Variants in CPXM2 observed in about 807,000 individuals in gnomAD.
The protein encoded by CPXM2 is carboxypeptidase X, M14 family member 2.
A neutral mutation model predicts 86.1 loss-of-function variants in CPXM2; 66 were observed. The ratio of observed to expected loss-of-function variants is 0.77; its 90% CI spans 0.63 to 0.94. The LOEUF (loss-of-function observed/expected upper bound fraction) is 0.94. Among genes scored for constraint, CPXM2 ranks in the 40% least tolerant of loss-of-function variants. The probability of loss-of-function intolerance (pLI) is 0.00; values close to 1 mark genes in which losing one functional copy is unlikely to be tolerated. For synonymous variants in CPXM2, 388 were observed against 400.2 expected, an observed-to-expected ratio of 0.97 and a Z score of 0.36; for missense variants, 948 against 1,026.3, an observed-to-expected ratio of 0.92 and a Z score of 1.04.
intron 2 of CPXM2, among the ~76,000 whole-genome samples, chr10:123,915,418 C>T (rs1300690023): frequency 6.6e-6 from 1 of 152,118 alleles, no homozygotes; most frequent in African/African-American, 2.4e-5. Context: ...ATTAACCAGG[C>T]GTGATGGCAG....
intron 3 of CPXM2, among the ~76,000 whole-genome samples, chr10:123,848,680 C>A (rs1264924913): frequency 2.0e-5 from 3 of 152,194 alleles, no homozygotes; most frequent in Non-Finnish European, 4.4e-5. Context: ...AAGTTTAATT[C>A]TTAAGCAATT....
chr10:123,927,253 G>C (rs117317670), intron 2 of CPXM2, among the ~76,000 whole-genome samples: 3 of 152,178 alleles, frequency 2.0e-5, no homozygotes, highest in Non-Finnish European at 4.4e-5. Context: ...TGCTCTGGCA[G>C]CCTCCTGTGT....
Position 123,891,153 on chromosome 10 carries a change from T to C in CPXM2, c.304+203A>G, listed in dbSNP as rs546163754. ...GGGCATAAGCCAGAGCTGAAATGCA[T>C]GTCAGGGTCAAGGACAAGTTCTGGG... is the stretch of plus-strand genomic sequence containing the variant. On this transcript the variant is annotated intron_variant, in intron 1 of 13. Coordinates refer to ENST00000241305, the MANE Select transcript of CPXM2 (RefSeq NM_198148.3). The surrounding 1 kb of genome is among the most constrained non-coding windows in gnomAD (Gnocchi z 5.6). Among the ~76,000 whole-genome samples the C allele has an allele frequency of 2.6e-5, 4 of 152,312 alleles. No individual in the cohort carries two copies. The highest frequency in any genetic ancestry group is 4.1e-4 in the South Asian group (2 of 4,826).
chr10:123,858,924 T>C (rs1848797577), intron 3 of CPXM2, among the ~76,000 whole-genome samples: 2 of 152,222 alleles, frequency 1.3e-5, no homozygotes, highest in Non-Finnish European at 2.9e-5. Flanking sequence ...CACAATTCCA[T>C]GACGGAGGAA....
upstream of CPXM2, among the ~76,000 whole-genome samples, chr10:123,942,788 C>T (rs577727560): frequency 1.1e-4 from 17 of 152,334 alleles, 1 homozygote; most frequent in Non-Finnish European, 1.8e-4. Flanking sequence ...CTTTACCCTA[C>T]GGACTAGTCC....
At chr10:123,769,863 G>A (rs1377327601) in intron 8 of CPXM2, among the ~76,000 whole-genome samples, 1 of 152,218 alleles carries the variant, frequency 6.6e-6, no homozygotes, top group African/African-American at 2.4e-5. Flanking sequence ...GAAAGGACAA[G>A]GGCCTGGCAT....
chr10:123,931,594 C>G (rs1945666819), intron 2 of CPXM2: 1 of 152,096 alleles, frequency 6.6e-6, no homozygotes, highest in Non-Finnish European at 1.5e-5. Flanking sequence ...TGCCCCTCCT[C>G]CTGGGAAAAA....
intron 2 of CPXM2, among the ~76,000 whole-genome samples, chr10:123,867,482 CTTCTT>C (rs1944809413): frequency 6.9e-6 from 1 of 144,854 alleles, no homozygotes; most frequent in African/African-American, 2.6e-5. Flanking sequence ...ATTCATTTTT[CTTCTT>C]TTCTTTCTAC....
chr10:123,775,686 G>A (rs1258820386), intron 7 of CPXM2, among the ~76,000 whole-genome samples: 1 of 152,238 alleles, frequency 6.6e-6, no homozygotes, highest in Non-Finnish European at 1.5e-5. Context: ...TTAACAAAGT[G>A]CATGCCACTG....
chr10:123,889,492 G>A (rs4980231), intron 1 of CPXM2, among the ~76,000 whole-genome samples: 13,324 of 152,076 alleles, frequency 0.088, 730 homozygotes, highest in Middle Eastern at 0.16. Flanking sequence ...GCAGGGAAGA[G>A]GAACGTCTTG....
chr10:123,903,504 C>G (rs1945403240), intron 2 of CPXM2, among the ~76,000 whole-genome samples: 1 of 152,254 alleles, frequency 6.6e-6, no homozygotes, highest in Non-Finnish European at 1.5e-5. Context: ...CCTCTCCTGG[C>G]CTCCTGGCTC....
intron 3 of CPXM2, among the ~76,000 whole-genome samples, chr10:123,859,066 C>T (rs1848800169): frequency 6.6e-6 from 1 of 152,212 alleles, no homozygotes; most frequent in African/African-American, 2.4e-5. Flanking sequence ...AGCCCCATAC[C>T]TTCCAGCCTG....
intron 2 of CPXM2, among the ~76,000 whole-genome samples, chr10:123,872,259 C>T (rs753769031): frequency 1.3e-5 from 2 of 151,994 alleles, no homozygotes; most frequent in Non-Finnish European, 2.9e-5. Flanking sequence ...TTTATAATAG[C>T]AAAAAACTGA....
intron 2 of CPXM2, among the ~76,000 whole-genome samples, chr10:123,900,277 A>G (rs1326181776): frequency 6.6e-6 from 1 of 152,144 alleles, no homozygotes; most frequent in African/African-American, 2.4e-5. Flanking sequence ...TCTGGGCTCA[A>G]GTGATCTGCC....
At chr10:123,897,805 G>T (rs1015651771) in intron 2 of CPXM2, among the ~76,000 whole-genome samples, 1 of 152,280 alleles carries the variant, frequency 6.6e-6, no homozygotes, top group Non-Finnish European at 1.5e-5. Context: ...AAGCAAAGCA[G>T]AGGAAGATGC....
intron 4 of CPXM2, among the ~76,000 whole-genome samples, chr10:123,815,551 G>A (rs1188054323): frequency 6.6e-6 from 1 of 152,082 alleles, no homozygotes; most frequent in African/African-American, 2.4e-5. Flanking sequence ...ACCCAGTAGT[G>A]GCAACATCCC....
rs529478677 is a variant in CPXM2, at chr10:123,803,778, C to T, written c.654-4579G>A. ...CTGGGTTCAAGCGATTCTCCTGCCTCAGCTTCCTAAGTATCTGGGACTACA... is the reference window on the plus strand; with the variant it reads ...CTGGGTTCAAGCGATTCTCCTGCCTTAGCTTCCTAAGTATCTGGGACTACA... On this transcript the variant is annotated intron_variant, in intron 4 of 13. Coordinates refer to ENST00000241305, the MANE Select transcript of CPXM2 (RefSeq NM_198148.3). Among the ~76,000 whole-genome samples the T allele has an allele frequency of 6.6e-4, 100 of 152,132 alleles. 1 individual carries two copies. The highest frequency in any genetic ancestry group is 1.2e-3 in the Non-Finnish European group (79 of 68,002).
rs532954173 is a variant in CPXM2, at chr10:123,803,118, C to CTTTTTTTTTTTTT, written c.654-3932_654-3920dup. 7.5e-4 allele frequency among the ~76,000 whole-genome samples: 48 copies of CTTTTTTTTTTTTT among 63,636 alleles called. 7 individuals carry two copies. Among genetic ancestry groups the CTTTTTTTTTTTTT allele is most frequent in the Non-Finnish European group, 1.1e-3 (35 of 32,522 alleles). The allele number at this position is 63,636 out of a possible 152,430, so 41.7% of individuals were successfully genotyped here. ...TCCTTTTCATCCTCTTTGTAGTACC[C>CTTTTTTTTTTTTT]TTTTTTTTTTTTTTTTTTTTTTTTT... On this transcript the variant is annotated intron_variant, in intron 4 of 13. Transcript: ENST00000241305.
chr10:123,891,690 C>A lies in CPXM2; in HGVS notation c.-31G>T. On this transcript the variant is annotated 5_prime_UTR_variant, in exon 1 of 14. Coordinates refer to ENST00000241305, the MANE Select transcript of CPXM2 (RefSeq NM_198148.3). This position sits in a 1 kb window ranked among gnomAD's most constrained non-coding sequence, Gnocchi z 5.6. The stretch of plus-strand genomic sequence containing the variant: ...CTCCGCCCCGCGCCCAGGGCAGGGT[C>A]ACGGTCACCGGGGGCGCCGGGCGGG... 7.5e-7 allele frequency: 1 copy of A among 1,326,370 alleles called. No homozygotes were observed. The highest frequency in any genetic ancestry group is 2.1e-5 in the South Asian group (1 of 47,496). 82.2% of individuals were successfully genotyped at this position (1,326,370 alleles called of 1,614,324 possible). A position where few individuals can be genotyped will look rare whatever the true frequency, so the allele number is the denominator to read the frequency against.
Sources: gnomAD v4.1 joint callset for allele counts (sites outside exome capture counted in the v4.1 genomes callset) on GRCh38, gnomAD v4.1.1 for gene constraint, Gnocchi (gnomAD v3.1) non-coding constraint, MANE v1.5 for transcripts, NCBI Gene and HGNC (gene_info 2026-07-23, HGNC 2026-07-21) for gene names.